The following PKIG variants were observed in gnomAD, a reference collection of about 807,000 sequenced individuals.
PKIG encodes cAMP-dependent protein kinase inhibitor gamma.
A neutral mutation model predicts 6.8 loss-of-function variants in PKIG; 1 was observed. The ratio of observed to expected loss-of-function variants is 0.15; its 90% CI spans 0.05 to 0.69. The LOEUF is 0.69. PKIG is among the 30% of genes least tolerant of loss of function. PKIG has a pLI of 0.82. For synonymous variants in PKIG, 39 were observed against 43.0 expected (o/e 0.91, Z 0.36); for missense variants, 77 against 104.0 (o/e 0.74, Z 1.13).
At chr20:44,605,406 C>CA (rs34277645) in intron 2 of PKIG, among the ~76,000 whole-genome samples, 5,340 of 35,986 alleles carry the variant, frequency 0.15, 509 homozygotes, top group African/African-American at 0.21. Flanking sequence ...GACTCCGTCT[C>CA]AAAAAAAAAA....
intron 1 of PKIG, among the ~76,000 whole-genome samples, chr20:44,552,153 T>C (rs1449625451): frequency 6.6e-6 from 1 of 152,182 alleles, no homozygotes; most frequent in African/African-American, 2.4e-5. Flanking sequence ...TCCATTGATC[T>C]CTTTACTTTT....
intron 1 of PKIG, chr20:44,585,162 A>T (rs1044928399): frequency 1.3e-5 from 2 of 152,314 alleles, no homozygotes; most frequent in African/African-American, 4.8e-5. Context: ...CCTGCCAGGA[A>T]GTGGAGAGTG....
At chr20:44,557,936 C>T (rs117315404) in intron 1 of PKIG, among the ~76,000 whole-genome samples, 2,519 of 152,278 alleles carry the variant, frequency 0.017, 35 homozygotes, top group Non-Finnish European at 0.027. Context: ...ACTCAGGAGG[C>T]AGCCTTTGCA....
At chr20:44,575,377 C>A (rs2064888173) in intron 1 of PKIG, among the ~76,000 whole-genome samples, 1 of 152,194 alleles carries the variant, frequency 6.6e-6, no homozygotes, top group Non-Finnish European at 1.5e-5. Flanking sequence ...TGCCACCACG[C>A]CCAGCCAATT....
chr20:44,538,675 C>A (rs567529339), intron 1 of PKIG, among the ~76,000 whole-genome samples: 1 of 152,096 alleles, frequency 6.6e-6, no homozygotes, highest in Non-Finnish European at 1.5e-5. Flanking sequence ...TCCTTTCCCC[C>A]CTGTAGTCAC....
chr20:44,543,961 G>A (rs751789015), intron 1 of PKIG, among the ~76,000 whole-genome samples: 22 of 151,930 alleles, frequency 1.4e-4, no homozygotes, highest in Non-Finnish European at 2.9e-4. Context: ...CTACTCGGGA[G>A]GCTGAGGCAG....
chr20:44,612,108 A>G (rs1210950605), intron 2 of PKIG, among the ~76,000 whole-genome samples: 1 of 152,150 alleles, frequency 6.6e-6, no homozygotes, highest in Non-Finnish European at 1.5e-5. Flanking sequence ...TGACATACCA[A>G]TGTCAGTTCT....
intron 1 of PKIG, among the ~76,000 whole-genome samples, chr20:44,548,601 G>A (rs1451399541): frequency 6.6e-6 from 1 of 152,124 alleles, no homozygotes. Context: ...TGTTGGACAA[G>A]TTTTGTAGCA....
At chr20:44,539,571 A>C in intron 1 of PKIG, among the ~76,000 whole-genome samples, 1 of 151,514 alleles carries the variant, frequency 6.6e-6, no homozygotes, top group East Asian at 2.0e-4. Flanking sequence ...GGCGCCCACC[A>C]CCACGCCCGG....
In PKIG at chr20:44,614,347, TTGTC is replaced by T; in HGVS notation, c.-23-184_-23-181del. 1.9e-6 allele frequency: 1 copy of T among 515,038 alleles called. No homozygotes were observed. Among genetic ancestry groups the T allele is most frequent in the Non-Finnish European group, 3.4e-6 (1 of 290,160 alleles). The allele number at this position is 515,038 out of a possible 1,614,324, so 31.9% of individuals were successfully genotyped here. On this transcript the variant is annotated intron_variant, in intron 2 of 3. Coordinates refer to ENST00000372886, the MANE Select transcript of PKIG (RefSeq NM_001281445.2). The surrounding 1 kb of genome is among the most constrained non-coding windows in gnomAD (Gnocchi z 4.6). ...ATGTTCTTTAAAATGTTGATGGTGG[TTGTC>T]TGGGTGTGGAATTATGAGTGACTTG...
At chr20:44,566,581 C>T (rs764931921) in intron 1 of PKIG, among the ~76,000 whole-genome samples, 2 of 152,130 alleles carry the variant, frequency 1.3e-5, no homozygotes, top group African/African-American at 2.4e-5. Context: ...CATGGTGGCT[C>T]ATGCCTGTAA....
intron 1 of PKIG, among the ~76,000 whole-genome samples, chr20:44,565,207 C>A (rs1568813374): frequency 6.6e-6 from 1 of 152,114 alleles, no homozygotes; most frequent in East Asian, 1.9e-4. Flanking sequence ...TAAGCGCCTT[C>A]TGTTTGTCAG....
At chr20:44,549,550 C>T (rs937445554) in intron 1 of PKIG, among the ~76,000 whole-genome samples, 76 of 152,316 alleles carry the variant, frequency 5.0e-4, no homozygotes, top group African/African-American at 1.5e-3. Context: ...TAAGGCTTGA[C>T]GCTGTGGCTC....
chr20:44,541,780 C>T (rs1219599575), intron 1 of PKIG, among the ~76,000 whole-genome samples: 1 of 150,502 alleles, frequency 6.6e-6, no homozygotes, highest in East Asian at 2.0e-4. Flanking sequence ...GCCTCGCCTC[C>T]CAGGTTCAAG....
intron 1 of PKIG, among the ~76,000 whole-genome samples, chr20:44,572,726 T>C (rs533093249): frequency 2.3e-4 from 35 of 152,274 alleles, no homozygotes; most frequent in African/African-American, 8.2e-4. Flanking sequence ...TGCTTGGCCA[T>C]TGTTCAGATG....
At chr20:44,544,941 T>C (rs1197730683) in intron 1 of PKIG, among the ~76,000 whole-genome samples, 11 of 135,272 alleles carry the variant, frequency 8.1e-5, no homozygotes, top group Non-Finnish European at 1.7e-4. Context: ...TTTTTTTTTT[T>C]TTTTTTTTTT....
chr20:44,602,510 A>G (rs1049726856), intron 2 of PKIG, among the ~76,000 whole-genome samples: 1 of 152,208 alleles, frequency 6.6e-6, no homozygotes, highest in Non-Finnish European at 1.5e-5. Flanking sequence ...TGCTCAGTAC[A>G]TTGAATGAAT....
chr20:44,586,911 A>T lies in PKIG; in HGVS notation c.-93-2886A>T, dbSNP rs564135593. Among the ~76,000 whole-genome samples the T allele has an allele frequency of 8.5e-5, 13 of 152,362 alleles. No homozygotes were observed. In the East Asian group the frequency reaches 2.3e-3, roughly 27 times the overall value. On this transcript the variant is annotated intron_variant, in intron 1 of 3. Coordinates refer to ENST00000372886, the MANE Select transcript of PKIG (RefSeq NM_001281445.2). Reference sequence around the variant, plus strand: ...ACTGGAGGAAGCTGCATTTCCAAAAAGAAGTCTCTTTAATGTTTCAAGAAA... The same window carrying T: ...ACTGGAGGAAGCTGCATTTCCAAAATGAAGTCTCTTTAATGTTTCAAGAAA...
At position 44,560,065 on chromosome 20, in the gene PKIG, C is replaced by CA. The variant is rs113467337; in HGVS notation, c.-240-22509dup. ...CGGAGAAGAAAATATGAAAAAAATA[C>CA]AAAAAAAAAAAGAAAGAAGGAAAGA... On this transcript the variant is annotated intron_variant, in intron 1 of 4. Transcript: ENST00000372887. 8.7e-3 allele frequency among the ~76,000 whole-genome samples: 1,069 copies of CA among 123,170 alleles called. 17 individuals are homozygous for CA. Among genetic ancestry groups the CA allele is most frequent in the African/African-American group, 0.025 (906 of 36,378 alleles). The allele number at this position is 123,170 out of a possible 152,430, so 80.8% of individuals were successfully genotyped here. A position where few individuals can be genotyped will look rare whatever the true frequency, so the allele number is the denominator to read the frequency against.
Sources: allele counts gnomAD v4.1 joint callset (sites outside exome capture counted in the v4.1 genomes callset), GRCh38; gene constraint gnomAD v4.1.1; non-coding constraint Gnocchi (gnomAD v3.1); transcripts MANE v1.5; gene names NCBI Gene and HGNC (gene_info 2026-07-23, HGNC 2026-07-21).